The following SUPT3H variants were observed in gnomAD, a reference collection of about 807,000 sequenced individuals.
The protein encoded by SUPT3H is SPT3 homolog, SAGA and STAGA complex component, also known as transcription initiation protein SPT3 homolog.
Under a neutral mutation model 44.3 loss-of-function variants are expected in SUPT3H, and 44 were observed. That is an observed-to-expected ratio of 0.99 (90% confidence interval 0.78 to 1.28). The LOEUF (loss-of-function observed/expected upper bound fraction) is 1.28, where lower values mean the gene tolerates loss of function less well. Among genes scored for constraint, SUPT3H ranks in the 50% most tolerant of loss-of-function variants. The probability of loss-of-function intolerance (pLI) is 0.00; values close to 1 mark genes in which losing one functional copy is unlikely to be tolerated. For missense variants in SUPT3H, 380 were observed against 387.1 expected (o/e 0.98, Z 0.15); for synonymous variants, 124 against 125.6 (o/e 0.99, Z 0.09).
intron 2 of SUPT3H, among the ~76,000 whole-genome samples, chr6:45,347,177 T>G (rs1385860620): frequency 6.6e-6 from 1 of 152,158 alleles, no homozygotes; most frequent in Non-Finnish European, 1.5e-5. Context: ...AGTGAAATAA[T>G]GGGATATCTG....
At chr6:45,036,560 G>A (rs1305770431) in intron 3 of SUPT3H, among the ~76,000 whole-genome samples, 1 of 152,030 alleles carries the variant, frequency 6.6e-6, no homozygotes, top group Non-Finnish European at 1.5e-5. Context: ...AAGTTACATT[G>A]CCATTTCATT....
chr6:44,908,693 A>G (rs1385261077), intron 10 of SUPT3H, among the ~76,000 whole-genome samples: 1 of 152,134 alleles, frequency 6.6e-6, no homozygotes, highest in East Asian at 1.9e-4. Context: ...CTGCAAGCCA[A>G]CTTTGTGCCT....
At chr6:45,184,286 A>G (rs1403696441) in intron 2 of SUPT3H, among the ~76,000 whole-genome samples, 1 of 152,176 alleles carries the variant, frequency 6.6e-6, no homozygotes, top group Non-Finnish European at 1.5e-5. Flanking sequence ...TAAATTATAA[A>G]TTTTATGTTA....
chr6:45,064,276 A>T (rs1224882013), intron 3 of SUPT3H, among the ~76,000 whole-genome samples: 1 of 147,080 alleles, frequency 6.8e-6, no homozygotes, highest in Non-Finnish European at 1.5e-5. Flanking sequence ...TTTTGTCACC[A>T]CTAGGCCTGC....
intron 5 of SUPT3H, among the ~76,000 whole-genome samples, chr6:45,014,130 T>C (rs1170274690): frequency 6.6e-6 from 1 of 152,136 alleles, no homozygotes; most frequent in South Asian, 2.1e-4. Flanking sequence ...CTGAATATTT[T>C]ACTTTATAAT....
intron 2 of SUPT3H, among the ~76,000 whole-genome samples, chr6:45,327,520 AT>A (rs1786559154): frequency 6.6e-6 from 1 of 151,972 alleles, no homozygotes; most frequent in Non-Finnish European, 1.5e-5. Flanking sequence ...CCTGTCATTC[AT>A]TTTTTTAAGA....
intron 10 of SUPT3H, among the ~76,000 whole-genome samples, chr6:44,887,421 T>A (rs1762501266): frequency 6.6e-6 from 1 of 152,196 alleles, no homozygotes; most frequent in South Asian, 2.1e-4. Context: ...AAACTGTCTC[T>A]CAGACCACAG....
chr6:44,964,478 G>A lies in SUPT3H; in HGVS notation c.505-2650C>T, dbSNP rs150909159. On this transcript the variant is annotated intron_variant, in intron 6 of 10. Coordinates refer to ENST00000371459, the MANE Select transcript of SUPT3H (RefSeq NM_003599.4). The stretch of plus-strand genomic sequence containing the variant: ...ATATGCTTACATAGCTGATGTATTC[G>A]CAATAAGTGTTTCTAGAAATGAGAG... Among the ~76,000 whole-genome samples, 7 of 152,214 alleles carry A rather than the reference G, an allele frequency of 4.6e-5. No individual in the cohort carries two copies. The East Asian group carries it at 9.6e-4, about 21-fold the overall frequency.
chr6:44,914,029 A>C (rs1767447947), intron 10 of SUPT3H, among the ~76,000 whole-genome samples: 1 of 152,184 alleles, frequency 6.6e-6, no homozygotes, highest in African/African-American at 2.4e-5. Context: ...AAAGAATAAT[A>C]TTCTATTATA....
chr6:45,313,801 C>T (rs931236138), intron 2 of SUPT3H, among the ~76,000 whole-genome samples: 6 of 151,808 alleles, frequency 4.0e-5, no homozygotes, highest in Admixed American at 3.3e-4. Context: ...ATGAAGCCAG[C>T]GTCACCCTAA....
At chr6:44,916,915 C>T (rs556424786) in intron 10 of SUPT3H, among the ~76,000 whole-genome samples, 27 of 152,082 alleles carry the variant, frequency 1.8e-4, no homozygotes, top group Middle Eastern at 3.4e-3. Flanking sequence ...GCAGCTGGAT[C>T]GCTTGAGTTC....
intron 3 of SUPT3H, among the ~76,000 whole-genome samples, chr6:45,030,496 AG>A (rs1402850621): frequency 2.6e-5 from 4 of 152,106 alleles, no homozygotes; most frequent in Non-Finnish European, 4.4e-5. Context: ...TGAATTTCTT[AG>A]TTTTTTTCAG....
intron 2 of SUPT3H, among the ~76,000 whole-genome samples, chr6:45,334,871 G>T (rs574175333): frequency 7.3e-5 from 11 of 151,094 alleles, no homozygotes; most frequent in African/African-American, 2.7e-4. Flanking sequence ...CCAGTAACAG[G>T]GATTAGGCAT....
At chr6:44,852,022 G>A (rs1772976367) in intron 10 of SUPT3H, among the ~76,000 whole-genome samples, 1 of 152,150 alleles carries the variant, frequency 6.6e-6, no homozygotes, top group Admixed American at 6.5e-5. Flanking sequence ...AAATGAAATG[G>A]AAAATCCATC....
chr6:45,248,725 G>A (rs1771827517), intron 2 of SUPT3H, among the ~76,000 whole-genome samples: 1 of 152,028 alleles, frequency 6.6e-6, no homozygotes. Flanking sequence ...GACCACCCTG[G>A]TCAACATGGT....
intron 10 of SUPT3H, among the ~76,000 whole-genome samples, chr6:44,844,888 T>C (rs1366714525): frequency 6.6e-6 from 1 of 152,166 alleles, no homozygotes; most frequent in East Asian, 1.9e-4. Context: ...TGAATTTTAT[T>C]GTATGCAAAT....
At chr6:44,843,534 G>T (rs1441360450) in intron 10 of SUPT3H, among the ~76,000 whole-genome samples, 2 of 152,112 alleles carry the variant, frequency 1.3e-5, no homozygotes, top group Admixed American at 1.3e-4. Flanking sequence ...AGAGAGTTTA[G>T]TAAGGTTATA....
At chr6:45,177,300 A>C (rs1411705520) in intron 2 of SUPT3H, among the ~76,000 whole-genome samples, 1 of 152,238 alleles carries the variant, frequency 6.6e-6, no homozygotes, top group African/African-American at 2.4e-5. Flanking sequence ...AATGCGATCA[A>C]CTGGAAGAAA....
At chr6:45,181,577 G>A (rs1240258107) in intron 2 of SUPT3H, among the ~76,000 whole-genome samples, 14 of 151,802 alleles carry the variant, frequency 9.2e-5, no homozygotes, top group Admixed American at 9.2e-4. Context: ...GGACATGGAT[G>A]AAATTGGAAA....
Sources: allele counts gnomAD v4.1 joint callset (sites outside exome capture counted in the v4.1 genomes callset), GRCh38; gene constraint gnomAD v4.1.1; transcripts MANE v1.5; gene names NCBI Gene and HGNC (gene_info 2026-07-23, HGNC 2026-07-21).